VEGFC: variants seen among roughly 807,000 people sequenced by gnomAD.
The protein encoded by VEGFC is vascular endothelial growth factor C.
Under a neutral mutation model 46.1 loss-of-function variants are expected in VEGFC, and 12 were observed. That is an observed-to-expected ratio of 0.26 (90% CI 0.17 to 0.42). The LOEUF is 0.42. Ranked by LOEUF, VEGFC falls within the 10% of genes least tolerant of loss-of-function variation. The pLI, the probability that VEGFC is intolerant of heterozygous loss-of-function variation, is 1.00. For synonymous variants in VEGFC, 232 were observed against 195.5 expected (o/e 1.19, Z -1.56); for missense variants, 488 against 529.4 (o/e 0.92, Z 0.77).
intron 6 of VEGFC, 133 bp downstream of exon 6, chr4:176,687,054 A>G (rs934995581): frequency 8.7e-6 from 9 of 1,033,656 alleles, no homozygotes; most frequent in Middle Eastern, 2.7e-4. Flanking sequence ...TTAAAAAAAT[A>G]TAAGATTTTT....
chr4:176,770,286 A>G (rs2333517), intron 1 of VEGFC, among the ~76,000 whole-genome samples: 125,574 of 152,136 alleles, frequency 0.83, 53,407 homozygotes, highest in East Asian at 1. Flanking sequence ...GCCACATTTA[A>G]CAAAAACTTT....
Position 176,684,689 on chromosome 4 carries a change from A to G in VEGFC, c.1146-649T>C, listed in dbSNP as rs182720018. Among the ~76,000 whole-genome samples the G allele has an allele frequency of 5.1e-3, 774 of 152,220 alleles. 9 individuals are homozygous for G. Among genetic ancestry groups the G allele is most frequent in the African/African-American group, 0.018 (735 of 41,534 alleles). ...GTAGCGGTGAGAGGACAAATTATCA[A>G]TTGGTCAGTGTGTCTCCTGCCCTGT... On this transcript the variant is annotated intron_variant, in intron 6 of 6. Transcript: ENST00000618562.
chr4:176,770,329 G>A (rs1735700764), intron 1 of VEGFC, among the ~76,000 whole-genome samples: 2 of 152,142 alleles, frequency 1.3e-5, no homozygotes, highest in Non-Finnish European at 2.9e-5. Context: ...AACATGTTTA[G>A]CAAGAATATC....
chr4:176,704,293 T>C (rs1203958196), intron 4 of VEGFC, among the ~76,000 whole-genome samples: 1 of 152,168 alleles, frequency 6.6e-6, no homozygotes, highest in African/African-American at 2.4e-5. Context: ...CTTGTCTTCT[T>C]ACTTGCTATA....
At chr4:176,728,224 A>G (rs1452660923) in intron 2 of VEGFC, among the ~76,000 whole-genome samples, 3 of 152,194 alleles carry the variant, frequency 2.0e-5, no homozygotes, top group Non-Finnish European at 2.9e-5. Context: ...TGCTTTATTA[A>G]AAGTACACCA....
chr4:176,760,119 TA>T (rs1735503794), intron 1 of VEGFC, among the ~76,000 whole-genome samples: 1 of 152,172 alleles, frequency 6.6e-6, no homozygotes, highest in Admixed American at 6.5e-5. Flanking sequence ...TTTTAAGAGA[TA>T]TTTTTAAAGC....
chr4:176,772,066 C>T (rs1300710901), intron 1 of VEGFC, among the ~76,000 whole-genome samples: 2 of 152,078 alleles, frequency 1.3e-5, no homozygotes, highest in African/African-American at 2.4e-5. Context: ...CATTAAGAAA[C>T]GGAGAGGAAA....
intron 1 of VEGFC, among the ~76,000 whole-genome samples, chr4:176,773,409 C>T (rs1438047258): frequency 6.6e-6 from 1 of 152,128 alleles, no homozygotes; most frequent in East Asian, 1.9e-4. Context: ...TTGTTACACA[C>T]AAACAAATCC....
chr4:176,780,397 A>AC (rs1735895739), intron 1 of VEGFC, among the ~76,000 whole-genome samples: 1 of 146,314 alleles, frequency 6.8e-6, no homozygotes, highest in Non-Finnish European at 1.5e-5. Flanking sequence ...AAAAAAAAAA[A>AC]AACTCCTTCT....
chr4:176,698,450 A>G (rs1459019830), intron 4 of VEGFC, among the ~76,000 whole-genome samples: 1 of 152,036 alleles, frequency 6.6e-6, no homozygotes, highest in Non-Finnish European at 1.5e-5. Flanking sequence ...GCATTTTTCC[A>G]GCTTTATTGA....
rs184616239 is a variant in VEGFC at position 176,780,150 on chromosome 4, C to T, written c.147+12015G>A. Among the ~76,000 whole-genome samples, 30 of 152,110 alleles carry T rather than the reference C, an allele frequency of 2.0e-4. No individual in the cohort carries two copies. The South Asian group carries it at 3.1e-3, about 16-fold the overall frequency. On this transcript the variant is annotated intron_variant, in intron 1 of 6. Transcript: ENST00000618562. ...ATCCCAACACTTTGGGAGGCAGAGG[C>T]GGGCAGGTCACCTGAGGTCAGGTGT...
At chr4:176,707,335 G>C (rs761050045) in intron 4 of VEGFC, among the ~76,000 whole-genome samples, 2 of 152,148 alleles carry the variant, frequency 1.3e-5, no homozygotes, top group African/African-American at 2.4e-5. Flanking sequence ...TTTTGTCAGT[G>C]TTTTTAATTT....
chr4:176,713,070 T>C (rs1327104184), intron 3 of VEGFC, among the ~76,000 whole-genome samples: 2 of 152,170 alleles, frequency 1.3e-5, no homozygotes, highest in Non-Finnish European at 2.9e-5. Flanking sequence ...TTATAAAGAT[T>C]ACATAAACTA....
chr4:176,697,868 A>G (rs1195947250), intron 4 of VEGFC, among the ~76,000 whole-genome samples: 2 of 150,406 alleles, frequency 1.3e-5, no homozygotes, highest in African/African-American at 4.9e-5. Context: ...CATCATTCTC[A>G]GTAAACTATC....
At chr4:176,703,783 A>T (rs1418784743) in intron 4 of VEGFC, among the ~76,000 whole-genome samples, 1 of 152,144 alleles carries the variant, frequency 6.6e-6, no homozygotes, top group African/African-American at 2.4e-5. Context: ...ATAAAAATGC[A>T]GTCATAGCCA....
chr4:176,700,623 G>A (rs1734413294), intron 4 of VEGFC, among the ~76,000 whole-genome samples: 1 of 152,046 alleles, frequency 6.6e-6, no homozygotes, highest in Non-Finnish European at 1.5e-5. Flanking sequence ...AGGGAGAGTA[G>A]GATAAGTATG....
intron 1 of VEGFC, among the ~76,000 whole-genome samples, chr4:176,759,185 G>A (rs1735484782): frequency 6.6e-6 from 1 of 152,094 alleles, no homozygotes; most frequent in Non-Finnish European, 1.5e-5. Context: ...GAAATTAAAT[G>A]TAATAGACTA....
intron 1 of VEGFC, among the ~76,000 whole-genome samples, chr4:176,780,446 A>G (rs1419542125): frequency 6.6e-6 from 1 of 151,792 alleles, no homozygotes; most frequent in Non-Finnish European, 1.5e-5. Context: ...TTTAATACCC[A>G]TGTGTAATAC....
chr4:176,781,296 A>G (rs1448100548), intron 1 of VEGFC, among the ~76,000 whole-genome samples: 1 of 152,234 alleles, frequency 6.6e-6, no homozygotes, highest in Non-Finnish European at 1.5e-5. Flanking sequence ...TTTGTTTTTT[A>G]GGGAAGTCAT....
Sources: allele counts gnomAD v4.1 joint callset (sites outside exome capture counted in the v4.1 genomes callset), GRCh38; gene constraint gnomAD v4.1.1; transcripts MANE v1.5; gene names NCBI Gene and HGNC (gene_info 2026-07-23, HGNC 2026-07-21).